Variants in PTPRK observed in about 807,000 individuals in gnomAD.
PTPRK encodes protein tyrosine phosphatase receptor type K.
A neutral mutation model predicts 178.0 loss-of-function variants in PTPRK; 75 were observed. The ratio of observed to expected loss-of-function variants is 0.42; its 90% CI spans 0.35 to 0.51. PTPRK has a LOEUF of 0.51. Among genes scored for constraint, PTPRK ranks in the 20% least tolerant of loss-of-function variants. The probability of loss-of-function intolerance (pLI) is 0.02; values close to 1 mark genes in which losing one functional copy is unlikely to be tolerated. For synonymous variants in PTPRK, 637 were observed against 620.6 expected, an observed-to-expected ratio of 1.03 and a Z score of -0.39; for missense variants, 1,441 against 1,797.8, an observed-to-expected ratio of 0.80 and a Z score of 3.59.
At chr6:127,980,384 C>CA (rs1318593143) in intron 25 of PTPRK, among the ~76,000 whole-genome samples, 1 of 151,170 alleles carries the variant, frequency 6.6e-6, no homozygotes, top group East Asian at 1.9e-4. Flanking sequence ...CCAAGTTACT[C>CA]AAGAGTCTGA....
chr6:128,229,961 A>G (rs1166001177), intron 5 of PTPRK, among the ~76,000 whole-genome samples: 1 of 151,002 alleles, frequency 6.6e-6, no homozygotes, highest in Non-Finnish European at 1.5e-5. Flanking sequence ...AAACAAATAC[A>G]AAAGAAATAA....
At chr6:128,410,020 C>T (rs1299050919) in intron 1 of PTPRK, among the ~76,000 whole-genome samples, 1 of 152,164 alleles carries the variant, frequency 6.6e-6, no homozygotes, top group Non-Finnish European at 1.5e-5. Flanking sequence ...CCTTTCCTAA[C>T]CCCTCCTTTT....
chr6:128,024,926 A>G (rs1774066386), intron 13 of PTPRK, among the ~76,000 whole-genome samples: 1 of 152,192 alleles, frequency 6.6e-6, no homozygotes, highest in African/African-American at 2.4e-5. Context: ...TAGTTTTGCA[A>G]TTTATTAACA....
intron 1 of PTPRK, among the ~76,000 whole-genome samples, chr6:128,450,044 G>A (rs1448961220): frequency 6.6e-6 from 1 of 151,834 alleles, no homozygotes; most frequent in Admixed American, 6.6e-5. Flanking sequence ...GGTTGGGGGC[G>A]GGGGCGGAGG....
chr6:128,354,231 G>GTTTTTTTTTTTTTTGTTTTTTTTTTTTT (rs1833616642), intron 2 of PTPRK, among the ~76,000 whole-genome samples: 1 of 49,356 alleles, frequency 2.0e-5, no homozygotes. Context: ...TTTTGTTTAT[G>GTTTTTTTTTTTTTTGTTTTTTTTTTTTT]TTTTTTTTTT....
At chr6:128,319,065 G>A (rs1828431329) in intron 3 of PTPRK, among the ~76,000 whole-genome samples, 1 of 152,132 alleles carries the variant, frequency 6.6e-6, no homozygotes, top group Non-Finnish European at 1.5e-5. Context: ...TCACTGTAAT[G>A]ATATGTCAAA....
intron 5 of PTPRK, among the ~76,000 whole-genome samples, chr6:128,224,222 C>G (rs1409116972): frequency 1.3e-5 from 2 of 152,122 alleles, no homozygotes; most frequent in African/African-American, 4.8e-5. Flanking sequence ...GCTTTCCATC[C>G]CGCCCTCCAA....
At chr6:128,219,158 T>A (rs1809917112) in intron 5 of PTPRK, 62 bp from the exon 6 acceptor site, 2 of 1,420,242 alleles carry the variant, frequency 1.4e-6, no homozygotes, top group African/African-American at 2.9e-5. Flanking sequence ...CTATAAAGCA[T>A]CTTAGCAAGC....
At chr6:128,380,175 T>G (rs184838079) in intron 2 of PTPRK, among the ~76,000 whole-genome samples, 3 of 152,016 alleles carry the variant, frequency 2.0e-5, no homozygotes, top group Non-Finnish European at 4.4e-5. Flanking sequence ...CCTACAGATA[T>G]TAGCCTCAGG....
intron 3 of PTPRK, among the ~76,000 whole-genome samples, chr6:128,245,953 TAA>T (rs1815379423): frequency 6.6e-6 from 1 of 152,172 alleles, no homozygotes; most frequent in Admixed American, 6.5e-5. Context: ...CTTTTAGAGC[TAA>T]GTCTTAACCC....
chr6:128,489,358 T>G (rs1853434391), intron 1 of PTPRK, among the ~76,000 whole-genome samples: 1 of 152,128 alleles, frequency 6.6e-6, no homozygotes, highest in African/African-American at 2.4e-5. Flanking sequence ...CAGTTTAGAG[T>G]AAAGCTCAAT....
At chr6:128,228,645 G>A (rs1811797918) in intron 5 of PTPRK, among the ~76,000 whole-genome samples, 1 of 129,572 alleles carries the variant, frequency 7.7e-6, no homozygotes, top group African/African-American at 3.0e-5. Context: ...GGGTGACAGA[G>A]TGAGACTCCA....
In PTPRK at chr6:128,089,896, C is replaced by T; in HGVS notation, c.1259G>A (p.Cys420Tyr). ...WESLGYNITR[C>Y]HTFNVTICYH... ...GCAGATAGTGACATTAAAAGTGTGG[C>T]AACGCGTAATGTTGTAACCCAAGGA... The change falls in exon 8 of 30, where the codon TGC becomes TAC. Residue 420 changes from cysteine to tyrosine, a missense_variant. Cys to Tyr is a radical substitution (Grantham distance 194). Coordinates refer to ENST00000368226, the MANE Select transcript of PTPRK (RefSeq NM_002844.4). 1 of 1,613,176 alleles carries T rather than the reference C, an allele frequency of 6.2e-7. No homozygotes were observed. Among genetic ancestry groups the T allele is most frequent in the Non-Finnish European group, 8.5e-7 (1 of 1,179,152 alleles).
chr6:128,491,486 T>G (rs762530655), intron 1 of PTPRK, among the ~76,000 whole-genome samples: 8 of 152,158 alleles, frequency 5.3e-5, no homozygotes, highest in African/African-American at 7.2e-5. Flanking sequence ...GCGGAAAGAA[T>G]GTTTATGAGG....
intron 2 of PTPRK, among the ~76,000 whole-genome samples, chr6:128,332,776 C>T (rs1830444238): frequency 6.6e-6 from 1 of 152,126 alleles, no homozygotes; most frequent in African/African-American, 2.4e-5. Flanking sequence ...TCTTATCCTT[C>T]CTATTCCTCT....
chr6:128,359,642 C>T (rs1332168332), intron 2 of PTPRK, among the ~76,000 whole-genome samples: 1 of 151,774 alleles, frequency 6.6e-6, no homozygotes, highest in Non-Finnish European at 1.5e-5. Flanking sequence ...ATCCCAGCTA[C>T]TTGGGAGGCT....
At chr6:128,425,422 C>T (rs756854079) in intron 1 of PTPRK, among the ~76,000 whole-genome samples, 13 of 152,100 alleles carry the variant, frequency 8.5e-5, no homozygotes, top group South Asian at 8.3e-4. Context: ...CCCTTTTCCC[C>T]GAGTCCCCAA....
At chr6:128,506,689 TAA>T (rs1461078263) in intron 1 of PTPRK, among the ~76,000 whole-genome samples, 4 of 147,228 alleles carry the variant, frequency 2.7e-5, no homozygotes, top group Non-Finnish European at 3.0e-5. Context: ...AAAATTATTA[TAA>T]GTCACTGTAA....
intron 11 of PTPRK, among the ~76,000 whole-genome samples, chr6:128,074,719 A>G (rs989298167): frequency 2.6e-5 from 4 of 152,056 alleles, no homozygotes; most frequent in Admixed American, 6.6e-5. Context: ...CCAGCACTGC[A>G]TCGCACATGT....
Sources: allele counts gnomAD v4.1 joint callset (sites outside exome capture counted in the v4.1 genomes callset), GRCh38; gene constraint gnomAD v4.1.1; transcripts MANE v1.5; gene names NCBI Gene and HGNC (gene_info 2026-07-23, HGNC 2026-07-21).